The following ITPR1 variants were observed in gnomAD, a reference collection of about 807,000 sequenced individuals.
ITPR1 encodes inositol 1,4,5-trisphosphate-gated calcium channel ITPR1.
A neutral mutation model predicts 318.4 loss-of-function variants in ITPR1; 96 were observed. The observed-to-expected ratio is 0.30, with a 90% CI of 0.26 to 0.36. The LOEUF (loss-of-function observed/expected upper bound fraction) is 0.36. Ranked by LOEUF, ITPR1 falls within the 10% of genes least tolerant of loss-of-function variation. The probability of loss-of-function intolerance (pLI) is 1.00; values close to 1 mark genes in which losing one functional copy is unlikely to be tolerated. For missense variants in ITPR1, 2,440 were observed against 3,460.2 expected, an observed-to-expected ratio of 0.71 and a Z score of 7.40; for synonymous variants, 1,312 against 1,289.9, an observed-to-expected ratio of 1.02 and a Z score of -0.37.
chr3:4,676,356 A>T (rs757660006), intron 23 of ITPR1, among the ~76,000 whole-genome samples: 49 of 151,864 alleles, frequency 3.2e-4, no homozygotes, highest in Non-Finnish European at 5.7e-4. Flanking sequence ...AAAGAAAATT[A>T]AAAAAAATAA....
At position 4,682,921 on chromosome 3, in the gene ITPR1, G is replaced by A. The variant is rs141857737; in HGVS notation, c.3162-465G>A. Among the ~76,000 whole-genome samples the A allele has an allele frequency of 6.3e-3, 960 of 152,294 alleles. 10 individuals are homozygous for A. The highest frequency in any genetic ancestry group is 0.022 in the African/African-American group (894 of 41,558). On this transcript the variant is annotated intron_variant, in intron 26 of 61. Coordinates refer to ENST00000649015, the MANE Select transcript of ITPR1 (RefSeq NM_001378452.1). ...TATTTAAATATAGTCAGGCATGGTA[G>A]TGCATTCCTATAGTCCCAGCTACTC... is the stretch of plus-strand genomic sequence containing the variant.
chr3:4,799,199 A>G (rs1031321664), intron 53 of ITPR1, among the ~76,000 whole-genome samples: 1 of 152,206 alleles, frequency 6.6e-6, no homozygotes, highest in Non-Finnish European at 1.5e-5. Flanking sequence ...TTTAGAGTAG[A>G]CCGGGGACAG....
At chr3:4,624,256 C>G (rs1172900463) in intron 4 of ITPR1, among the ~76,000 whole-genome samples, 1 of 152,086 alleles carries the variant, frequency 6.6e-6, no homozygotes, top group Non-Finnish European at 1.5e-5. Flanking sequence ...CCCATTTGGT[C>G]CATAAAGTAA....
At chr3:4,695,740 G>A (rs1343946386) in intron 33 of ITPR1, among the ~76,000 whole-genome samples, 1 of 152,208 alleles carries the variant, frequency 6.6e-6, no homozygotes, top group Admixed American at 6.5e-5. Flanking sequence ...ACCCTGATAT[G>A]TAGCTGCGTT....
rs114652849 is a variant in ITPR1, at chr3:4,658,588, T to G, written c.1151+310T>G. On this transcript the variant is annotated intron_variant, in intron 13 of 61. Transcript: ENST00000649015. ...CCCAAACCTTGGGAGAGCTCTTGGTTTGGGGAAAAAGGAAGGGAGTAGAGG... is the reference window on the plus strand; with the variant it reads ...CCCAAACCTTGGGAGAGCTCTTGGTGTGGGGAAAAAGGAAGGGAGTAGAGG... Among the ~76,000 whole-genome samples, 233 of 150,794 alleles carry G rather than the reference T, an allele frequency of 1.5e-3. 2 individuals are homozygous for G. The highest frequency in any genetic ancestry group is 5.4e-3 in the African/African-American group (224 of 41,274).
chr3:4,569,734 A>T (rs2087781258), intron 4 of ITPR1, among the ~76,000 whole-genome samples: 1 of 152,222 alleles, frequency 6.6e-6, no homozygotes, highest in South Asian at 2.1e-4. Flanking sequence ...GATATTTGAG[A>T]ACAGATCTTC....
At chr3:4,780,398 CA>C (rs1470876912) in intron 49 of ITPR1, among the ~76,000 whole-genome samples, 1 of 152,064 alleles carries the variant, frequency 6.6e-6, no homozygotes, top group African/African-American at 2.4e-5. Flanking sequence ...TTAAAGAAAA[CA>C]CGATCTGGTT....
intron 4 of ITPR1, among the ~76,000 whole-genome samples, chr3:4,604,398 T>C (rs1432779249): frequency 6.6e-6 from 1 of 152,162 alleles, no homozygotes; most frequent in South Asian, 2.1e-4. Context: ...TTCCTGAGGA[T>C]GGGTCAAGGT....
At chr3:4,760,583 AT>A (rs1257200197) in intron 44 of ITPR1, among the ~76,000 whole-genome samples, 5 of 152,188 alleles carry the variant, frequency 3.3e-5, no homozygotes, top group Non-Finnish European at 7.3e-5. Flanking sequence ...AACCAAATGT[AT>A]TGTTTTATAA....
At chr3:4,823,257 C>T (rs538582532) in intron 60 of ITPR1, among the ~76,000 whole-genome samples, 5 of 152,302 alleles carry the variant, frequency 3.3e-5, no homozygotes, top group Admixed American at 6.5e-5. Context: ...AGCAAAGAAA[C>T]AGCAGCCCAT....
At chr3:4,497,976 T>C (rs906870133) in intron 2 of ITPR1, among the ~76,000 whole-genome samples, 1 of 152,334 alleles carries the variant, frequency 6.6e-6, no homozygotes, top group African/African-American at 2.4e-5. Flanking sequence ...ATTTTTCTTA[T>C]AGAGGCATCT....
chr3:4,682,069 C>A (rs982583617), intron 26 of ITPR1, among the ~76,000 whole-genome samples: 1 of 152,174 alleles, frequency 6.6e-6, no homozygotes. Flanking sequence ...ACATATTACT[C>A]CAAAAAACTT....
At chr3:4,557,146 G>A (rs982771136) in intron 4 of ITPR1, among the ~76,000 whole-genome samples, 36 of 152,226 alleles carry the variant, frequency 2.4e-4, no homozygotes, top group African/African-American at 7.7e-4. Context: ...AGACATACCC[G>A]AGACTGGGTA....
At chr3:4,781,358 T>A (rs1363971754) in intron 49 of ITPR1, among the ~76,000 whole-genome samples, 9 of 152,222 alleles carry the variant, frequency 5.9e-5, no homozygotes, top group Admixed American at 5.9e-4. Flanking sequence ...AATGATTCAA[T>A]CATGAATGAT....
intron 42 of ITPR1, among the ~76,000 whole-genome samples, chr3:4,728,667 T>TATGAA (rs892578466): frequency 1.3e-5 from 2 of 152,260 alleles, no homozygotes; most frequent in African/African-American, 4.8e-5. Flanking sequence ...CCTATTGTGC[T>TATGAA]ATGAAATAGC....
intron 4 of ITPR1, among the ~76,000 whole-genome samples, chr3:4,529,580 G>T (rs994654695): frequency 2.6e-5 from 4 of 152,164 alleles, no homozygotes; most frequent in Non-Finnish European, 4.4e-5. Context: ...AAATTAGAGG[G>T]ATTTAGAAAG....
intron 4 of ITPR1, among the ~76,000 whole-genome samples, chr3:4,582,176 G>A (rs940004998): frequency 1.3e-5 from 2 of 152,100 alleles, no homozygotes; most frequent in African/African-American, 4.8e-5. Context: ...CAGAAATCAA[G>A]CTCTGAGCTC....
intron 26 of ITPR1, among the ~76,000 whole-genome samples, chr3:4,683,146 T>A (rs1291112847): frequency 6.6e-6 from 1 of 152,246 alleles, no homozygotes; most frequent in Admixed American, 6.5e-5. Context: ...GCTAGTCTTG[T>A]CACTTTGGCT....
intron 44 of ITPR1, among the ~76,000 whole-genome samples, chr3:4,736,094 T>G (rs2043244554): frequency 1.3e-5 from 2 of 152,126 alleles, no homozygotes; most frequent in African/African-American, 4.8e-5. Flanking sequence ...TAAATATTTT[T>G]AATACCTCCT....
Sources: allele counts gnomAD v4.1 joint callset (sites outside exome capture counted in the v4.1 genomes callset), GRCh38; gene constraint gnomAD v4.1.1; transcripts MANE v1.5; gene names NCBI Gene and HGNC (gene_info 2026-07-23, HGNC 2026-07-21).